The following FGF14 variants were observed in gnomAD, a reference collection of about 807,000 sequenced individuals.
The protein encoded by FGF14 is fibroblast growth factor homologous factor 4.
In FGF14, 5 loss-of-function variants were observed where a neutral mutation model predicts 25.5. The ratio of observed to expected loss-of-function variants is 0.20; its 90% CI spans 0.10 to 0.41. The LOEUF is 0.41. Among genes scored for constraint, FGF14 ranks in the 10% least tolerant of loss-of-function variants. The probability of loss-of-function intolerance (pLI) is 1.00; values close to 1 mark genes in which losing one functional copy is unlikely to be tolerated. For missense variants in FGF14, 222 were observed against 320.1 expected, an observed-to-expected ratio of 0.69 and a Z score of 2.34; for synonymous variants, 138 against 118.3, an observed-to-expected ratio of 1.17 and a Z score of -1.08.
intron 3 of FGF14, among the ~76,000 whole-genome samples, chr13:101,754,412 C>T (rs2037507445): frequency 6.6e-6 from 1 of 152,154 alleles, no homozygotes; most frequent in Non-Finnish European, 1.5e-5. Flanking sequence ...TAAGCCATAT[C>T]ACTAGAGTAT....
chr13:102,351,709 C>A (rs956379232), intron 1 of FGF14, among the ~76,000 whole-genome samples: 2 of 152,212 alleles, frequency 1.3e-5, no homozygotes, highest in Non-Finnish European at 2.9e-5. Context: ...CGTTCCTCAC[C>A]ATGGGGGCCT....
chr13:101,723,633 A>C (rs1229795369), intron 4 of FGF14, among the ~76,000 whole-genome samples: 1 of 152,248 alleles, frequency 6.6e-6, no homozygotes, highest in African/African-American at 2.4e-5. Context: ...TATGTTATTA[A>C]AAATCTAATA....
chr13:101,958,922 A>G (rs557990046), intron 1 of FGF14, among the ~76,000 whole-genome samples: 120 of 151,990 alleles, frequency 7.9e-4, no homozygotes, highest in Admixed American at 1.5e-3. Flanking sequence ...CAATGTAGTC[A>G]CTCCTCCCTA....
chr13:101,788,725 T>C (rs745376576), intron 3 of FGF14, among the ~76,000 whole-genome samples: 12 of 151,670 alleles, frequency 7.9e-5, no homozygotes, highest in African/African-American at 1.2e-4. Flanking sequence ...GTTTGTGATA[T>C]TAACCAGAAG....
chr13:101,991,598 G>C (rs944490849), intron 1 of FGF14, among the ~76,000 whole-genome samples: 2 of 152,068 alleles, frequency 1.3e-5, no homozygotes, highest in African/African-American at 4.8e-5. Context: ...GATCTATAAG[G>C]GAATTGAGAT....
intron 1 of FGF14, among the ~76,000 whole-genome samples, chr13:102,064,978 G>A (rs2042842169): frequency 6.6e-6 from 1 of 151,856 alleles, no homozygotes; most frequent in Admixed American, 6.6e-5. Context: ...AAAATTGAAT[G>A]CTAATCATTA....
intron 1 of FGF14, among the ~76,000 whole-genome samples, chr13:102,167,301 G>A (rs1232666270): frequency 8.8e-6 from 1 of 113,692 alleles, no homozygotes; most frequent in African/African-American, 3.7e-5. Flanking sequence ...TTGCACCATT[G>A]CACTCCATCT....
intron 3 of FGF14, among the ~76,000 whole-genome samples, chr13:101,773,807 C>CAGGTG (rs1566883635): frequency 6.7e-6 from 1 of 149,582 alleles, no homozygotes; most frequent in Non-Finnish European, 1.5e-5. Flanking sequence ...AAGTCCCAAC[C>CAGGTG]AGGTGTGAGT....
intron 3 of FGF14, among the ~76,000 whole-genome samples, chr13:101,829,092 AG>A (rs1427108761): frequency 6.6e-6 from 1 of 152,116 alleles, no homozygotes; most frequent in Admixed American, 6.6e-5. Flanking sequence ...ATCTAATTGC[AG>A]GTAAGCACTG....
intron 1 of FGF14, among the ~76,000 whole-genome samples, chr13:102,311,015 C>G (rs780391511): frequency 1.4e-4 from 21 of 151,984 alleles, no homozygotes; most frequent in African/African-American, 2.2e-4. Context: ...ATATGGCCCA[C>G]TTGCATCAAA....
At chr13:101,953,318 C>G (rs905799085) in intron 1 of FGF14, among the ~76,000 whole-genome samples, 1 of 152,020 alleles carries the variant, frequency 6.6e-6, no homozygotes, top group African/African-American at 2.4e-5. Context: ...ATTCCACCAC[C>G]TGCACACAGT....
At chr13:101,842,643 T>C (rs903716270) in intron 3 of FGF14, among the ~76,000 whole-genome samples, 1 of 151,886 alleles carries the variant, frequency 6.6e-6, no homozygotes, top group Non-Finnish European at 1.5e-5. Context: ...ATAGTAATAG[T>C]AACAGGAAAG....
intron 1 of FGF14, among the ~76,000 whole-genome samples, chr13:102,390,259 A>G (rs1467361765): frequency 6.6e-6 from 1 of 152,180 alleles, no homozygotes; most frequent in African/African-American, 2.4e-5. Context: ...TATCTTAACT[A>G]GGGTAGTGGT....
At chr13:102,223,813 T>C (rs750533798) in intron 1 of FGF14, among the ~76,000 whole-genome samples, 3 of 152,150 alleles carry the variant, frequency 2.0e-5, no homozygotes, top group Non-Finnish European at 4.4e-5. Context: ...CAGTGAGCTA[T>C]TGTCATGCCA....
At chr13:102,261,264 C>A (rs1267614260) in intron 1 of FGF14, among the ~76,000 whole-genome samples, 1 of 152,122 alleles carries the variant, frequency 6.6e-6, no homozygotes, top group Admixed American at 6.5e-5. Flanking sequence ...ATTTAAGGAG[C>A]TTTACCTTTA....
At chr13:102,262,045 G>C (rs2052744176) in intron 1 of FGF14, among the ~76,000 whole-genome samples, 1 of 152,130 alleles carries the variant, frequency 6.6e-6, no homozygotes, top group Non-Finnish European at 1.5e-5. Flanking sequence ...TGTGGCTGAG[G>C]GCAGGGTAAA....
intron 1 of FGF14, among the ~76,000 whole-genome samples, chr13:102,185,162 C>T (rs2048828632): frequency 6.6e-6 from 1 of 151,826 alleles, no homozygotes; most frequent in South Asian, 2.1e-4. Flanking sequence ...CATATTTTTC[C>T]AAATTCTCTA....
At chr13:102,344,946 C>A (rs2057060109) in intron 1 of FGF14, among the ~76,000 whole-genome samples, 5 of 152,176 alleles carry the variant, frequency 3.3e-5, no homozygotes, top group Admixed American at 3.3e-4. Context: ...GCTGTTGAAG[C>A]AGGGAAGGCC....
chr13:102,348,597 T>C (rs1227083768), intron 1 of FGF14, among the ~76,000 whole-genome samples: 1 of 152,174 alleles, frequency 6.6e-6, no homozygotes, highest in Non-Finnish European at 1.5e-5. Flanking sequence ...TAACACCAGA[T>C]AGCAGCAAAG....
Sources: allele counts gnomAD v4.1 joint callset (sites outside exome capture counted in the v4.1 genomes callset), GRCh38; gene constraint gnomAD v4.1.1; transcripts MANE v1.5; gene names NCBI Gene and HGNC (gene_info 2026-07-23, HGNC 2026-07-21).